The following TF variants were observed in gnomAD, a reference collection of about 807,000 sequenced individuals.
TF encodes the protein transferrin.
A neutral mutation model predicts 82.4 loss-of-function variants in TF; 55 were observed. That is an observed-to-expected ratio of 0.67 (90% CI 0.54 to 0.84). TF has a LOEUF of 0.84. Among genes scored for constraint, TF ranks in the 40% least tolerant of loss-of-function variants. The pLI, the probability that TF is intolerant of heterozygous loss-of-function variation, is 0.00. For missense variants in TF, 737 were observed against 868.4 expected, an observed-to-expected ratio of 0.85 and a Z score of 1.90; for synonymous variants, 332 against 332.6, an observed-to-expected ratio of 1.00 and a Z score of 0.02.
chr3:133,776,374 C>T (rs1397138825), intron 15 of TF, among the ~76,000 whole-genome samples: 1 of 152,110 alleles, frequency 6.6e-6, no homozygotes, highest in Non-Finnish European at 1.5e-5. Flanking sequence ...AAAGGCCCCT[C>T]CACACACACA....
intron 14 of TF, chr3:133,772,720 A>G (rs1934289939): frequency 3.7e-5 from 1 of 27,224 alleles, no homozygotes; most frequent in South Asian, 1.2e-3. Flanking sequence ...TTTTCAAACT[A>G]AATTTTGAAA....
At chr3:133,681,627 C>T in the TF span, among the ~76,000 whole-genome samples, 22 of 152,298 alleles carry the variant, frequency 1.4e-4, no homozygotes, top group South Asian at 4.4e-3. Flanking sequence ...TGAGATTGAA[C>T]TGCAAGGCAG....
chr3:133,682,770 T>C, the TF span, among the ~76,000 whole-genome samples: 1 of 152,114 alleles, frequency 6.6e-6, no homozygotes, highest in Non-Finnish European at 1.5e-5. Context: ...GGAACCAAGT[T>C]GGAAAACACT....
chr3:133,735,124 C>T, the TF span, among the ~76,000 whole-genome samples: 53 of 151,928 alleles, frequency 3.5e-4, no homozygotes, highest in Non-Finnish European at 6.9e-4. Context: ...GGGTGGATCA[C>T]GAGGTCAGGA....
At chr3:133,774,871 T>C in intron 14 of TF, 1 of 305,980 alleles carries the variant, frequency 3.3e-6, no homozygotes, top group Non-Finnish European at 6.5e-6. Context: ...GTTTTTTTTT[T>C]TTTTCAGAGA....
chr3:133,722,707 A>C, the TF span, among the ~76,000 whole-genome samples: 1 of 152,086 alleles, frequency 6.6e-6, no homozygotes, highest in Non-Finnish European at 1.5e-5. Context: ...TGTTGCCCTA[A>C]TTTACTTCTT....
At chr3:133,726,206 T>G in the TF span, among the ~76,000 whole-genome samples, 1 of 152,180 alleles carries the variant, frequency 6.6e-6, no homozygotes, top group African/African-American at 2.4e-5. Context: ...CTTTTTCTAT[T>G]GATTGGAATA....
rs888758873 is a variant in TF, at chr3:133,766,281, A to G, written c.1334A>G (p.Tyr445Cys). Reference protein sequence around the residue: ...DNCEDTPEAGYFAIAVVKKSA... With the variant: ...DNCEDTPEAGCFAIAVVKKSA... ...TTTTCTGGTGTCTTTCTTGTAGGGT[A>G]TTTTGCTATAGCAGTGGTGAAGAAA... Residue 445 changes from tyrosine (Y) to cysteine (C), a missense_variant, in exon 12 of 17, where the codon TAT (tyrosine) becomes TGT (cysteine). Coordinates refer to ENST00000402696, the MANE Select transcript of TF (RefSeq NM_001063.4). The G allele has an allele frequency of 1.1e-5, 18 of 1,614,036 alleles. No individual in the cohort carries two copies. The highest frequency in any genetic ancestry group is 1.4e-5 in the Non-Finnish European group (17 of 1,179,930).
chr3:133,700,062 T>G, the TF span: 2 of 159,900 alleles, frequency 1.3e-5, no homozygotes, highest in South Asian at 3.8e-4. Flanking sequence ...CTTGAGTCAT[T>G]CACAGATGAG....
chr3:133,698,085 C>T, the TF span, among the ~76,000 whole-genome samples: 11 of 152,238 alleles, frequency 7.2e-5, no homozygotes, highest in Admixed American at 7.2e-4. Flanking sequence ...CTGGAGGCCT[C>T]TAAACAGCAC....
the TF span, chr3:133,694,178 A>G: frequency 6.5e-6 from 1 of 152,906 alleles, no homozygotes; most frequent in Non-Finnish European, 1.5e-5. Flanking sequence ...GGTCCCAGCC[A>G]GCTCATGCCC....
At chr3:133,746,585 G>T in intron 1 of TF, 102 bp downstream of exon 1, 1 of 1,348,976 alleles carries the variant, frequency 7.4e-7, no homozygotes, top group Non-Finnish European at 1.0e-6. Context: ...CGCTCAGGCT[G>T]GAAGCCTGGG....
At chr3:133,751,105 C>A (rs954284077) in intron 2 of TF, among the ~76,000 whole-genome samples, 3 of 151,358 alleles carry the variant, frequency 2.0e-5, no homozygotes, top group Non-Finnish European at 4.4e-5. Flanking sequence ...GTGGTAAACA[C>A]AAATGATGAA....
the TF span, among the ~76,000 whole-genome samples, chr3:133,738,249 A>C: frequency 2.6e-5 from 4 of 152,238 alleles, no homozygotes; most frequent in Non-Finnish European, 5.9e-5. Flanking sequence ...AAGGCCTTCA[A>C]CAAAATTCAA....
At chr3:133,730,912 C>T in the TF span, among the ~76,000 whole-genome samples, 7 of 152,076 alleles carry the variant, frequency 4.6e-5, no homozygotes, top group African/African-American at 1.7e-4. Context: ...GTTGGTAAGT[C>T]TTATTAAATT....
chr3:133,727,875 G>A, the TF span, among the ~76,000 whole-genome samples: 1 of 149,048 alleles, frequency 6.7e-6, no homozygotes, highest in South Asian at 2.2e-4. Context: ...CTCAGCATTT[G>A]CTTGTCTGTA....
chr3:133,698,913 C>T, the TF span, among the ~76,000 whole-genome samples: 3 of 152,234 alleles, frequency 2.0e-5, no homozygotes, highest in Non-Finnish European at 4.4e-5. Flanking sequence ...CCTTCCATCT[C>T]TCAACCCTCT....
chr3:133,771,805 G>T (rs1420825689), intron 14 of TF, among the ~76,000 whole-genome samples: 1 of 148,468 alleles, frequency 6.7e-6, no homozygotes, highest in Non-Finnish European at 1.5e-5. Context: ...ACGTTGGACA[G>T]CCATAATATT....
Position 133,747,868 on chromosome 3 carries a change from C to G in TF, c.44-544C>G, listed in dbSNP as rs372251314. ...TTCTTTTGTGCCCTGAGTAGCAGACCCAGAGTCTGGAGACCCAGATTCTAG... is the reference window on the plus strand; with the variant it reads ...TTCTTTTGTGCCCTGAGTAGCAGACGCAGAGTCTGGAGACCCAGATTCTAG... On this transcript the variant is annotated intron_variant, in intron 1 of 16. Coordinates refer to ENST00000402696, the MANE Select transcript of TF (RefSeq NM_001063.4). Among the ~76,000 whole-genome samples the G allele has an allele frequency of 2.7e-4, 41 of 152,058 alleles. No individual in the cohort carries two copies. The East Asian group carries it at 7.0e-3, about 26-fold the overall frequency.
Sources: allele counts gnomAD v4.1 joint callset (sites outside exome capture counted in the v4.1 genomes callset), GRCh38; gene constraint gnomAD v4.1.1; transcripts MANE v1.5; gene names NCBI Gene and HGNC (gene_info 2026-07-23, HGNC 2026-07-21).